The following BBS4 variants were observed in gnomAD, a reference collection of about 807,000 sequenced individuals.
The protein encoded by BBS4 is Bardet-Biedl syndrome 4, also known as BBSome complex member BBS4.
BBS4 carries 58 observed loss-of-function variants against 71.4 expected under a neutral mutation model. The ratio of observed to expected loss-of-function variants is 0.81; its 90% CI spans 0.66 to 1.01. The LOEUF is 1.01. BBS4 is among the 50% of genes least tolerant of loss of function. The pLI is 0.00. For missense variants in BBS4, 660 were observed against 607.9 expected (o/e 1.09, Z -0.90); for synonymous variants, 228 against 216.8 (o/e 1.05, Z -0.46).
At chr15:72,710,055 T>C (rs1317648094) in intron 3 of BBS4, among the ~76,000 whole-genome samples, 1 of 152,118 alleles carries the variant, frequency 6.6e-6, no homozygotes, top group East Asian at 1.9e-4. Flanking sequence ...GTGGGTCAGG[T>C]TTAGGTGTGT....
chr15:72,715,262 T>G, intron 4 of BBS4, 29 bp from the exon 5 acceptor site: 1 of 1,515,926 alleles, frequency 6.6e-7, no homozygotes, highest in Non-Finnish European at 9.1e-7. Flanking sequence ...ATGGTTTTAC[T>G]TTTTTTTGTA....
intron 1 of BBS4, among the ~76,000 whole-genome samples, chr15:72,687,158 G>T (rs367661856): frequency 2.7e-5 from 3 of 109,558 alleles, no homozygotes; most frequent in Admixed American, 2.3e-4. Context: ...GCTGTTGTCG[G>T]CCCGGGCTGG....
rs1242905249 is a variant in BBS4, at chr15:72,715,389, G to C, written c.319G>C (p.Val107Leu). 6.2e-7 allele frequency: 1 copy of C among 1,613,462 alleles called. No homozygotes were observed. The highest frequency in any genetic ancestry group is 1.7e-5 in the Admixed American group (1 of 60,022). Residue 107 changes from valine to leucine, a missense_variant, in exon 5 of 16, where the codon GTG (valine) becomes CTG (leucine). Physicochemically the swap from Val to Leu is conservative, Grantham distance 32. Transcript: ENST00000268057. The stretch of plus-strand genomic sequence containing the variant: ...TCAGAGTGCTGATAACCTCAAGCAG[G>C]TGGCCAGATCTTTGTGAGTATTGGC... ...SPQSADNLKQ[V>L]ARSLFLLGKH... is the part of the protein sequence containing the mutation.
chr15:72,717,290 C>G (rs1196094081), intron 6 of BBS4: 1 of 158,628 alleles, frequency 6.3e-6, no homozygotes, highest in African/African-American at 2.4e-5. Context: ...CTCCCCTTCT[C>G]TTTGTGTCAA....
intron 6 of BBS4, among the ~76,000 whole-genome samples, chr15:72,721,999 A>G (rs1468592938): frequency 6.6e-6 from 1 of 152,238 alleles, no homozygotes; most frequent in Non-Finnish European, 1.5e-5. Flanking sequence ...CTGTAGATCA[A>G]AGGTTGGCAA....
At chr15:72,693,450 C>A (rs2065021434) in intron 1 of BBS4, among the ~76,000 whole-genome samples, 1 of 152,104 alleles carries the variant, frequency 6.6e-6, no homozygotes, top group Non-Finnish European at 1.5e-5. Context: ...TGTTAGCAAA[C>A]CTTTTTTTGT....
chr15:72,725,757 TCCCCCTTC>T (rs1489846130), intron 8 of BBS4, among the ~76,000 whole-genome samples: 124 of 62,850 alleles, frequency 2.0e-3, no homozygotes, highest in African/African-American at 8.3e-3. Context: ...CTTTCCCCCT[TCCCCCTTC>T]CCCCTTCCTC....
At position 72,727,854 on chromosome 15, in the gene BBS4, G is replaced by GT. The variant is rs2065732054; in HGVS notation, c.588-85dup. ...GAAGAGGCTCAGTGGGGTCTGTCAA[G>GT]TATTGCACGAGGGCATATTACTGTG... On this transcript the variant is annotated intron_variant, in intron 8 of 15. Coordinates refer to ENST00000268057, the MANE Select transcript of BBS4 (RefSeq NM_033028.5). 1.3e-5 allele frequency: 13 copies of GT among 1,018,596 alleles called. No individual in the cohort carries two copies. The South Asian group carries it at 1.5e-4, about 12-fold the overall frequency. 63.1% of individuals were successfully genotyped at this position (1,018,596 alleles called of 1,614,324 possible).
chr15:72,706,854 A>T (rs542880581), intron 2 of BBS4, among the ~76,000 whole-genome samples: 7 of 152,144 alleles, frequency 4.6e-5, no homozygotes, highest in East Asian at 1.9e-4. Context: ...AAAAAATTAA[A>T]TTTTTTGTTG....
At chr15:72,721,973 G>T (rs757296396) in intron 6 of BBS4, among the ~76,000 whole-genome samples, 1 of 152,168 alleles carries the variant, frequency 6.6e-6, no homozygotes, top group African/African-American at 2.4e-5. Flanking sequence ...TGCCTTTTCT[G>T]CTTCATCTTT....
intron 12 of BBS4, 54 bp downstream of exon 12, chr15:72,731,780 T>C: frequency 6.2e-7 from 1 of 1,601,454 alleles, no homozygotes; most frequent in Non-Finnish European, 8.5e-7. Context: ...GAGGGAAAAA[T>C]GGATTAGAAT....
chr15:72,725,807 C>T (rs1240544771), intron 8 of BBS4, among the ~76,000 whole-genome samples: 2 of 23,212 alleles, frequency 8.6e-5, no homozygotes, highest in Non-Finnish European at 1.9e-4. Flanking sequence ...TCCCCCATCC[C>T]CCTTCCCCCA....
intron 6 of BBS4, among the ~76,000 whole-genome samples, chr15:72,720,199 T>C (rs759227044): frequency 1.3e-5 from 2 of 152,044 alleles, no homozygotes; most frequent in African/African-American, 4.8e-5. Flanking sequence ...AACCTTATAG[T>C]AGCTGGAGCA....
chr15:72,688,538 C>T (rs775955348), intron 1 of BBS4, among the ~76,000 whole-genome samples: 30 of 149,912 alleles, frequency 2.0e-4, no homozygotes, highest in Non-Finnish European at 4.1e-4. Flanking sequence ...CTCAGCCTCC[C>T]GAGTAGCTGG....
At chr15:72,708,745 G>A (rs1157343533) in intron 2 of BBS4, among the ~76,000 whole-genome samples, 3 of 152,118 alleles carry the variant, frequency 2.0e-5, no homozygotes, top group Admixed American at 6.6e-5. Flanking sequence ...TCTGGAGAAG[G>A]AATGCATTCC....
At chr15:72,713,020 C>CTT (rs879762255) in intron 4 of BBS4, among the ~76,000 whole-genome samples, 1 of 141,412 alleles carries the variant, frequency 7.1e-6, no homozygotes, top group East Asian at 2.0e-4. Flanking sequence ...CTTTTTCTTT[C>CTT]TTTTTTTTTT....
intron 8 of BBS4, among the ~76,000 whole-genome samples, chr15:72,726,240 T>A (rs991413043): frequency 4.6e-4 from 70 of 151,690 alleles, no homozygotes; most frequent in Non-Finnish European, 2.9e-5. Flanking sequence ...GCCTCCTGAG[T>A]AGCTGGGACT....
At chr15:72,722,634 ATTAAT>A (rs1268719865) in intron 6 of BBS4, among the ~76,000 whole-genome samples, 155 bp from the exon 7 acceptor site, 2 of 152,364 alleles carry the variant, frequency 1.3e-5, no homozygotes, top group South Asian at 2.1e-4. Context: ...ATTTTTAACA[ATTAAT>A]TTGAGTATGA....
At chr15:72,694,400 A>G (rs2150996272) in intron 1 of BBS4, among the ~76,000 whole-genome samples, 1 of 152,274 alleles carries the variant, frequency 6.6e-6, no homozygotes, top group Non-Finnish European at 1.5e-5. Context: ...CATGTTGTCC[A>G]GGCTGGTCTT....
Sources: gnomAD v4.1 joint callset for allele counts (sites outside exome capture counted in the v4.1 genomes callset) on GRCh38, gnomAD v4.1.1 for gene constraint, MANE v1.5 for transcripts, NCBI Gene and HGNC (gene_info 2026-07-23, HGNC 2026-07-21) for gene names.